Variants in SLC35D2 observed in about 807,000 individuals in gnomAD.
The protein encoded by SLC35D2 is nucleotide sugar transporter SLC35D2.
SLC35D2 carries 43 observed loss-of-function variants against 41.8 expected under a neutral mutation model. The ratio of observed to expected loss-of-function variants is 1.03; its 90% CI spans 0.81 to 1.33. SLC35D2 has a LOEUF of 1.33. Ranked by LOEUF, SLC35D2 falls within the 40% of genes most tolerant of loss-of-function variation. The pLI, the probability that SLC35D2 is intolerant of heterozygous loss-of-function variation, is 0.00. For synonymous variants in SLC35D2, 150 were observed against 163.9 expected (o/e 0.92, Z 0.65); for missense variants, 380 against 408.4 (o/e 0.93, Z 0.60).
At chr9:96,351,330 AAGTC>A (rs1829804516) in intron 5 of SLC35D2, among the ~76,000 whole-genome samples, 159 bp from the exon 6 acceptor site, 1 of 152,182 alleles carries the variant, frequency 6.6e-6, no homozygotes, top group Admixed American at 6.5e-5. Context: ...AAGTGTTTCT[AAGTC>A]AGACTAAATT....
intron 9 of SLC35D2, among the ~76,000 whole-genome samples, chr9:96,326,066 G>C (rs1299627023): frequency 2.6e-5 from 4 of 152,180 alleles, no homozygotes; most frequent in African/African-American, 4.8e-5. Context: ...AAACTCTGTG[G>C]TTCTAATTTG....
intron 2 of SLC35D2, among the ~76,000 whole-genome samples, chr9:96,366,481 T>C (rs566446364): frequency 7.6e-4 from 115 of 151,912 alleles, no homozygotes; most frequent in African/African-American, 2.6e-3. Context: ...AATGAATTTA[T>C]TTCACTTAGA....
At chr9:96,314,785 T>A (rs1428586535) in exon 12 of SLC35D2, 1 of 152,210 alleles carries the variant, frequency 6.6e-6, no homozygotes, top group Non-Finnish European at 1.5e-5. Context: ...TCAACTTAGA[T>A]GGGATGAGAA....
chr9:96,359,704 T>C (rs1008272980), intron 4 of SLC35D2, among the ~76,000 whole-genome samples: 1 of 151,514 alleles, frequency 6.6e-6, no homozygotes, highest in African/African-American at 2.4e-5. Context: ...AAAAAGACCC[T>C]GAAATAAATG....
intron 8 of SLC35D2, among the ~76,000 whole-genome samples, chr9:96,340,094 A>G (rs1829245382): frequency 6.6e-6 from 1 of 151,940 alleles, no homozygotes; most frequent in Non-Finnish European, 1.5e-5. Flanking sequence ...CACCTAATTC[A>G]TTTCTTTCTC....
rs534918070 is a variant in SLC35D2, at chr9:96,371,973, G to A, written c.159-3668C>T. 7.9e-5 allele frequency among the ~76,000 whole-genome samples: 12 copies of A among 151,906 alleles called. No individual in the cohort carries two copies. The East Asian group carries it at 1.4e-3, about 17-fold the overall frequency. The stretch of plus-strand genomic sequence containing the variant: ...GATCTCCTGACCTCGTGATCCGCCC[G>A]CCTCGGCCTCCCAAAGTGCTGGGAT... On this transcript the variant is annotated intron_variant, in intron 1 of 11. Transcript: ENST00000253270.
At chr9:96,352,688 G>C (rs1032895951) in intron 4 of SLC35D2, among the ~76,000 whole-genome samples, 1 of 152,042 alleles carries the variant, frequency 6.6e-6, no homozygotes, top group South Asian at 2.1e-4. Context: ...ACTACTTCAT[G>C]ATGTGAACCA....
chr9:96,321,599 A>G (rs1828229084), intron 11 of SLC35D2, among the ~76,000 whole-genome samples: 1 of 152,168 alleles, frequency 6.6e-6, no homozygotes, highest in Non-Finnish European at 1.5e-5. Flanking sequence ...TGAATAAACT[A>G]CATACCCTTA....
intron 1 of SLC35D2, among the ~76,000 whole-genome samples, chr9:96,369,161 GGGTAA>G (rs1488129165): frequency 2.0e-5 from 3 of 152,056 alleles, no homozygotes; most frequent in Non-Finnish European, 4.4e-5. Flanking sequence ...TGTGGACACT[GGGTAA>G]TGAATCGCTA....
At chr9:96,328,372 T>C (rs1446858763) in intron 9 of SLC35D2, among the ~76,000 whole-genome samples, 1 of 152,184 alleles carries the variant, frequency 6.6e-6, no homozygotes, top group Non-Finnish European at 1.5e-5. Context: ...CACCTCAGCC[T>C]CCCAAAGTGC....
At chr9:96,354,713 G>A (rs905952338) in intron 4 of SLC35D2, among the ~76,000 whole-genome samples, 1 of 121,420 alleles carries the variant, frequency 8.2e-6, no homozygotes, top group Non-Finnish European at 1.6e-5. Flanking sequence ...GGTTGCAGTA[G>A]CCAAGATCGC....
chr9:96,359,177 G>A (rs974708180), intron 4 of SLC35D2, among the ~76,000 whole-genome samples: 1 of 151,726 alleles, frequency 6.6e-6, no homozygotes, highest in Non-Finnish European at 1.5e-5. Context: ...AGTGGCAGGC[G>A]CCTGTACTCC....
intron 6 of SLC35D2, among the ~76,000 whole-genome samples, chr9:96,347,046 G>C (rs1357110875): frequency 6.6e-6 from 1 of 152,200 alleles, no homozygotes; most frequent in East Asian, 1.9e-4. Context: ...TGAGGCAGGA[G>C]AATCACTTGA....
chr9:96,383,681 A>C lies in SLC35D2; in HGVS notation c.-47T>G. On this transcript the variant is annotated 5_prime_UTR_variant, in exon 1 of 12. Transcript: ENST00000253270. ...CGCCGCCCGCCAGCCCCGGCTGCGCACTGGTCCCGCCCGGCCGGGCCGGGG... is the reference window on the plus strand; with the variant it reads ...CGCCGCCCGCCAGCCCCGGCTGCGCCCTGGTCCCGCCCGGCCGGGCCGGGG... 3.0e-6 allele frequency: 3 copies of C among 986,532 alleles called. No individual in the cohort carries two copies. The highest frequency in any genetic ancestry group is 1.2e-6 in the Non-Finnish European group (1 of 829,466). The allele number at this position is 986,532 out of a possible 1,614,324, so 61.1% of individuals were successfully genotyped here. A position where few individuals can be genotyped will look rare whatever the true frequency, so the allele number is the denominator to read the frequency against.
In SLC35D2 at chr9:96,337,179, T is replaced by C. The variant is rs1290979361; in HGVS notation, c.685-395A>G. 2.6e-5 allele frequency among the ~76,000 whole-genome samples: 4 copies of C among 152,190 alleles called. No homozygotes were observed. The South Asian group carries it at 8.3e-4, about 31-fold the overall frequency. The stretch of plus-strand genomic sequence containing the variant: ...CAAATTCAAGGTTGGGTTTATTTTT[T>C]ATAAATCGTTTTAGAAGAAAGTTAA... On this transcript the variant is annotated intron_variant, in intron 8 of 11. Transcript: ENST00000253270.
intron 9 of SLC35D2, among the ~76,000 whole-genome samples, chr9:96,329,955 C>T (rs1213477822): frequency 6.6e-6 from 1 of 152,234 alleles, no homozygotes; most frequent in Admixed American, 6.5e-5. Context: ...AGTCCCAAGA[C>T]AGGCCATCTG....
At chr9:96,382,480 C>CT (rs1831234841) in intron 1 of SLC35D2, among the ~76,000 whole-genome samples, 1 of 144,972 alleles carries the variant, frequency 6.9e-6, no homozygotes, top group Non-Finnish European at 1.5e-5. Flanking sequence ...CACACACACA[C>CT]ACACACACAC....
chr9:96,379,584 A>T (rs1448848557), intron 1 of SLC35D2, among the ~76,000 whole-genome samples: 1 of 152,212 alleles, frequency 6.6e-6, no homozygotes, highest in Non-Finnish European at 1.5e-5. Flanking sequence ...GTAACTACCA[A>T]AAGGTCCTTT....
At chr9:96,364,656 A>G (rs1450338892) in intron 2 of SLC35D2, 106 bp from the exon 3 acceptor site, 5 of 737,374 alleles carry the variant, frequency 6.8e-6, no homozygotes, top group Non-Finnish European at 1.2e-5. Context: ...GAAATATAGC[A>G]AAAAATTCAT....
Sources: allele counts gnomAD v4.1 joint callset (sites outside exome capture counted in the v4.1 genomes callset), GRCh38; gene constraint gnomAD v4.1.1; transcripts MANE v1.5; gene names NCBI Gene and HGNC (gene_info 2026-07-23, HGNC 2026-07-21).